Variants in DTNA observed in about 807,000 individuals in gnomAD.
DTNA encodes dystrophin-related protein 3.
A neutral mutation model predicts 100.7 loss-of-function variants in DTNA; 43 were observed. The observed-to-expected ratio is 0.43, with a 90% CI of 0.33 to 0.55. The LOEUF (loss-of-function observed/expected upper bound fraction) is 0.55. DTNA is among the 20% of genes least tolerant of loss of function. The probability of loss-of-function intolerance (pLI) is 0.04; values close to 1 mark genes in which losing one functional copy is unlikely to be tolerated. For missense variants in DTNA, 798 were observed against 953.9 expected (o/e 0.84, Z 2.15); for synonymous variants, 349 against 347.9 (o/e 1.00, Z -0.04).
intron 3 of DTNA, among the ~76,000 whole-genome samples, chr18:34,790,565 ATATT>A (rs1450138118): frequency 2.3e-4 from 6 of 25,850 alleles, no homozygotes; most frequent in African/African-American, 5.6e-4. Context: ...ATATATATAT[ATATT>A]TTTTTTTTTT....
At chr18:34,853,950 G>T (rs1390504326) in intron 15 of DTNA, among the ~76,000 whole-genome samples, 3 of 152,128 alleles carry the variant, frequency 2.0e-5, no homozygotes, top group East Asian at 3.8e-4. Flanking sequence ...ACTTTAAAAA[G>T]GTAGGAGAAA....
At chr18:34,658,995 G>A (rs1049256846) in intron 1 of DTNA, among the ~76,000 whole-genome samples, 2 of 152,206 alleles carry the variant, frequency 1.3e-5, no homozygotes, top group Admixed American at 1.3e-4. Context: ...CTTTAGCTTA[G>A]AGAACTGGGA....
At chr18:34,747,952 A>G (rs1300130393) in intron 1 of DTNA, among the ~76,000 whole-genome samples, 22 of 151,938 alleles carry the variant, frequency 1.4e-4, no homozygotes, top group Non-Finnish European at 2.5e-4. Flanking sequence ...GTTCCCTTTC[A>G]CCCCATCCAC....
intron 2 of DTNA, among the ~76,000 whole-genome samples, chr18:34,759,393 T>C (rs1188754429): frequency 6.6e-6 from 1 of 152,224 alleles, no homozygotes; most frequent in Admixed American, 6.5e-5. Context: ...CAACACTCAC[T>C]GCTGTGAACT....
At chr18:34,863,841 C>T (rs2096660887) in intron 16 of DTNA, 125 bp from the exon 17 acceptor site, 1 of 866,472 alleles carries the variant, frequency 1.2e-6, no homozygotes, top group South Asian at 1.4e-5. Context: ...AGTTCCCTGC[C>T]TGGTAACCTT....
intron 16 of DTNA, among the ~76,000 whole-genome samples, chr18:34,861,354 C>G (rs2096623051): frequency 6.6e-6 from 1 of 151,832 alleles, no homozygotes; most frequent in Non-Finnish European, 1.5e-5. Flanking sequence ...AGCGTGGTGG[C>G]AGGCACCTGT....
At chr18:34,723,324 A>G (rs923873341) in intron 1 of DTNA, among the ~76,000 whole-genome samples, 15 of 152,218 alleles carry the variant, frequency 9.9e-5, no homozygotes, top group African/African-American at 2.9e-4. Context: ...GTTAAACACT[A>G]TAGTGCCACA....
chr18:34,687,424 G>C (rs960603317), intron 1 of DTNA, among the ~76,000 whole-genome samples: 1 of 152,182 alleles, frequency 6.6e-6, no homozygotes, highest in African/African-American at 2.4e-5. Context: ...GGAGCAGGTT[G>C]TTCAGTTTCC....
At chr18:34,651,241 G>T (rs2060405420) in intron 1 of DTNA, among the ~76,000 whole-genome samples, 1 of 152,158 alleles carries the variant, frequency 6.6e-6, no homozygotes, top group Admixed American at 6.5e-5. Context: ...TTTTGTTAAT[G>T]TATAATTGCA....
intron 18 of DTNA, among the ~76,000 whole-genome samples, chr18:34,876,695 A>G (rs2096822217): frequency 6.6e-6 from 1 of 152,318 alleles, no homozygotes; most frequent in East Asian, 1.9e-4. Flanking sequence ...ATCTTAACAC[A>G]CTTCAATGAG....
At chr18:34,821,100 G>C (rs1460994523) in intron 9 of DTNA, 185 bp downstream of exon 9, 2 of 809,442 alleles carry the variant, frequency 2.5e-6, no homozygotes, top group Non-Finnish European at 4.1e-6. Context: ...CTTCCACCAG[G>C]CTGGACAAGT....
chr18:34,797,761 G>GCCTGTCATGGTCAAGTTGATCA (rs2095042989), intron 4 of DTNA, among the ~76,000 whole-genome samples: 1 of 152,110 alleles, frequency 6.6e-6, no homozygotes, highest in South Asian at 2.1e-4. Flanking sequence ...GAAGCCTTTC[G>GCCTGTCATGGTCAAGTTGATCA]CCTGTCATGG....
chr18:34,568,580 CT>C (rs1448600171), intron 1 of DTNA, among the ~76,000 whole-genome samples: 1 of 151,972 alleles, frequency 6.6e-6, no homozygotes, highest in Non-Finnish European at 1.5e-5. Context: ...ATTATTACTC[CT>C]TTTGAAAATT....
intron 17 of DTNA, chr18:34,867,652 A>G (rs2096720521): frequency 2.0e-6 from 2 of 991,190 alleles, no homozygotes; most frequent in Non-Finnish European, 1.2e-6. Flanking sequence ...TCCTGTCGTC[A>G]TCAGCCTTGC....
intron 9 of DTNA, among the ~76,000 whole-genome samples, chr18:34,824,780 T>C (rs2095816553): frequency 6.6e-6 from 1 of 151,918 alleles, no homozygotes; most frequent in Non-Finnish European, 1.5e-5. Context: ...AGGGCCTCTC[T>C]ATATTACCCA....
intron 1 of DTNA, among the ~76,000 whole-genome samples, chr18:34,516,163 A>G (rs956367260): frequency 1.3e-5 from 2 of 152,064 alleles, no homozygotes; most frequent in African/African-American, 4.8e-5. Context: ...CAAGAGAGAA[A>G]TTTTAAAGCT....
At chr18:34,527,665 T>C (rs2042756409) in intron 1 of DTNA, among the ~76,000 whole-genome samples, 1 of 152,080 alleles carries the variant, frequency 6.6e-6, no homozygotes, top group African/African-American at 2.4e-5. Flanking sequence ...GTTATTTGTA[T>C]TCTATAGAAC....
intron 5 of DTNA, among the ~76,000 whole-genome samples, chr18:34,810,463 A>G (rs960971925): frequency 6.6e-6 from 1 of 151,248 alleles, no homozygotes; most frequent in Non-Finnish European, 1.5e-5. Flanking sequence ...GTTCTCACTC[A>G]TATGTGGGAG....
rs536066059 is a variant in DTNA, at chr18:34,760,660, T to C, written c.67+4617T>C. On this transcript the variant is annotated intron_variant, in intron 2 of 22. Transcript: ENST00000444659. ...GCTGCCTTCTAGTGTTCCCAAAGCC[T>C]GCGGTCTTTGAACAACTGCCAAGCA... is the stretch of plus-strand genomic sequence containing the variant. Among the ~76,000 whole-genome samples, 178 of 152,324 alleles carry C rather than the reference T, an allele frequency of 1.2e-3. 1 individual carries two copies. Among genetic ancestry groups the C allele is most frequent in the East Asian group, 5.8e-4 (3 of 5,170 alleles).
Sources: allele counts gnomAD v4.1 joint callset (sites outside exome capture counted in the v4.1 genomes callset), GRCh38; gene constraint gnomAD v4.1.1; transcripts MANE v1.5; gene names NCBI Gene and HGNC (gene_info 2026-07-23, HGNC 2026-07-21).